Variants in TSPYL1 observed in about 807,000 individuals in gnomAD.
TSPYL1 encodes the protein testis-specific Y-encoded-like protein 1.
Under a neutral mutation model 20.1 loss-of-function variants are expected in TSPYL1, and 16 were observed. That is an observed-to-expected ratio of 0.80 (90% CI 0.54 to 1.21). TSPYL1 has a LOEUF of 1.21. Ranked by LOEUF, TSPYL1 falls within the 50% of genes most tolerant of loss-of-function variation. TSPYL1 has a pLI of 0.00. For synonymous variants in TSPYL1, 259 were observed against 227.1 expected (o/e 1.14, Z -1.26); for missense variants, 560 against 569.3 (o/e 0.98, Z 0.17).
At position 116,277,555 on chromosome 6, in the gene TSPYL1, C is replaced by CT. The variant is rs1262864726; in HGVS notation, c.*961dup. On this transcript the variant is annotated 3_prime_UTR_variant, in exon 1 of 1. Transcript: ENST00000368608. ...GGAGGGGCGTAAGAGCTCTAGCACT[C>CT]TATTTTACAGGCCAACTTCTTTGCC... is the stretch of plus-strand genomic sequence containing the variant. 2.6e-5 allele frequency: 4 copies of CT among 152,352 alleles called. No homozygotes were observed. Among genetic ancestry groups the CT allele is most frequent in the African/African-American group, 9.6e-5 (4 of 41,564 alleles). The allele number at this position is 152,352 out of a possible 1,614,324, so 9.4% of individuals were successfully genotyped here.
chr6:116,276,692 T>C lies in TSPYL1; in HGVS notation c.*1825A>G, dbSNP rs942904772. The C allele has an allele frequency of 6.6e-6, 1 of 152,236 alleles. No individual in the cohort carries two copies. The highest frequency in any genetic ancestry group is 1.5e-5 in the Non-Finnish European group (1 of 68,038). The allele number at this position is 152,236 out of a possible 1,614,324, so 9.4% of individuals were successfully genotyped here. A position where few individuals can be genotyped will look rare whatever the true frequency, so the allele number is the denominator to read the frequency against. ...TAATATGAACAACTTCATTCAAGCA[T>C]TACATTTATGGGTAAGGTGAAAAAT... On this transcript the variant is annotated 3_prime_UTR_variant, in exon 1 of 1. Transcript: ENST00000368608.
Position 116,275,918 on chromosome 6 carries a change from T to C in TSPYL1, c.*2599A>G, listed in dbSNP as rs1212419454. Reference sequence around the variant, plus strand: ...AGTGAACATGGGAAAAACATGAAAATATAATCTCTGTATTTTATTTTACTG... The same window carrying C: ...AGTGAACATGGGAAAAACATGAAAACATAATCTCTGTATTTTATTTTACTG... On this transcript the variant is annotated 3_prime_UTR_variant, in exon 1 of 1. Transcript: ENST00000368608. Among the ~76,000 whole-genome samples the C allele has an allele frequency of 6.6e-6, 1 of 151,530 alleles. No individual in the cohort carries two copies. The highest frequency in any genetic ancestry group is 2.4e-5 in the African/African-American group (1 of 41,124).
rs1773212372 is a variant in TSPYL1, at chr6:116,277,648, T to TTA, written c.*868_*869insTA. ...TACAAATGTTTCTGAGCTATCACTT[T>TTA]TTTAAGAGAGGATTGGGAGGCTAAG... On this transcript the variant is annotated 3_prime_UTR_variant, in exon 1 of 1. Transcript: ENST00000368608. 1 of 152,070 alleles carries TTA rather than the reference T, an allele frequency of 6.6e-6. No homozygotes were observed. The highest frequency in any genetic ancestry group is 2.1e-4 in the South Asian group (1 of 4,834). The allele number at this position is 152,070 out of a possible 1,614,324, so 9.4% of individuals were successfully genotyped here. A position where few individuals can be genotyped will look rare whatever the true frequency, so the allele number is the denominator to read the frequency against.
At position 116,278,744 on chromosome 6, in the gene TSPYL1, G is replaced by A; in HGVS notation, c.1087C>T (p.Pro363Ser). The A allele has an allele frequency of 6.2e-7, 1 of 1,614,102 alleles. No individual in the cohort carries two copies. The highest frequency in any genetic ancestry group is 2.2e-5 in the East Asian group (1 of 44,880). Residue 363 changes from proline (P) to serine (S), a missense_variant, in exon 1 of 1, where the codon CCC (proline) becomes TCC (serine). Pro to Ser is a moderately conservative substitution (Grantham distance 74). Transcript: ENST00000368608. ...TGGTTTCTGCGAATGAAGGACTGGG[G>A]TTCATGCCCCCTGCGCCATATAATT... ...TPIIWRRGHE[P>S]QSFIRRNQDL... is the part of the protein sequence containing the mutation.
At position 116,275,373 on chromosome 6, in the gene TSPYL1, G is replaced by T. The variant is rs1488664399; in HGVS notation, c.*3144C>A. ...ACTAAAAGGGGAAATAGTTATTTAG[G>T]AATGGCATTGCAAATCTTTTTGACA... On this transcript the variant is annotated 3_prime_UTR_variant, in exon 1 of 1. Transcript: ENST00000368608. Among the ~76,000 whole-genome samples, 1 of 152,190 alleles carries T rather than the reference G, an allele frequency of 6.6e-6. No individual in the cohort carries two copies. The highest frequency in any genetic ancestry group is 1.5e-5 in the Non-Finnish European group (1 of 68,024).
chr6:116,278,208 G>C lies in TSPYL1; in HGVS notation c.*309C>G, dbSNP rs1046446988. 3 of 364,578 alleles carry C rather than the reference G, an allele frequency of 8.2e-6. No homozygotes were observed. The highest frequency in any genetic ancestry group is 6.6e-5 in the East Asian group (1 of 15,124). The allele number at this position is 364,578 out of a possible 1,614,324, so 22.6% of individuals were successfully genotyped here. A position where few individuals can be genotyped will look rare whatever the true frequency, so the allele number is the denominator to read the frequency against. ...GTTCAGAGGCCCTGGGAATAAACAG[G>C]GTCCAAGCAGTGCAGATAAAGGCAG... On this transcript the variant is annotated 3_prime_UTR_variant, in exon 1 of 1. Coordinates refer to ENST00000368608, the MANE Select transcript of TSPYL1 (RefSeq NM_003309.4).
chr6:116,274,973 A>G lies in TSPYL1; in HGVS notation c.*3544T>C, dbSNP rs1262478897. ...AGATTTACTAGTAGCCACATTAAAC[A>G]ATGGCAAAATGAGGATAATTAATTT... On this transcript the variant is annotated 3_prime_UTR_variant, in exon 1 of 1. Coordinates refer to ENST00000368608, the MANE Select transcript of TSPYL1 (RefSeq NM_003309.4). Among the ~76,000 whole-genome samples the G allele has an allele frequency of 2.0e-5, 3 of 152,236 alleles. No individual in the cohort carries two copies. The highest frequency in any genetic ancestry group is 4.4e-5 in the Non-Finnish European group (3 of 68,034).
rs1192539503 is a variant in TSPYL1, at chr6:116,276,143, A to G, written c.*2374T>C. On this transcript the variant is annotated 3_prime_UTR_variant, in exon 1 of 1. Transcript: ENST00000368608. ...CATTTATCTCCTCTATGGGGAACAG[A>G]AAGACTTTGGCAGAGGAATTACCAA... Among the ~76,000 whole-genome samples the G allele has an allele frequency of 6.6e-6, 1 of 152,230 alleles. No homozygotes were observed. Among genetic ancestry groups the G allele is most frequent in the Non-Finnish European group, 1.5e-5 (1 of 68,036 alleles).
At position 116,278,416 on chromosome 6, in the gene TSPYL1, AACAAAGCACAATAGAAGGCAT is replaced by A. The variant is rs1773267536; in HGVS notation, c.*80_*100del. 6.5e-7 allele frequency: 1 copy of A among 1,539,108 alleles called. No individual in the cohort carries two copies. Reference sequence around the variant, plus strand: ...AACAGGGTGCAGAAAAGTCAGCAAAAACAAAGCACAATAGAAGGCATACTCATTGCTGATGCCCAAGCACAG... The same window carrying A: ...AACAGGGTGCAGAAAAGTCAGCAAAAACTCATTGCTGATGCCCAAGCACAG... On this transcript the variant is annotated 3_prime_UTR_variant, in exon 1 of 1. Coordinates refer to ENST00000368608, the MANE Select transcript of TSPYL1 (RefSeq NM_003309.4).
rs1002487042 is a variant in TSPYL1 at position 116,278,457 on chromosome 6, G to C, written c.*60C>G. 2 of 1,609,700 alleles carry C rather than the reference G, an allele frequency of 1.2e-6. No homozygotes were observed. Among genetic ancestry groups the C allele is most frequent in the Non-Finnish European group, 1.7e-6 (2 of 1,177,556 alleles). On this transcript the variant is annotated 3_prime_UTR_variant, in exon 1 of 1. Transcript: ENST00000368608. ...AGGCATACTCATTGCTGATGCCCAA[G>C]CACAGGTCCAGCAGAAGGTGGTAGG... is the stretch of plus-strand genomic sequence containing the variant.
chr6:116,274,970 A>T lies in TSPYL1; in HGVS notation c.*3547T>A, dbSNP rs563569163. Among the ~76,000 whole-genome samples the T allele has an allele frequency of 1.3e-5, 2 of 152,374 alleles. No individual in the cohort carries two copies. The highest frequency in any genetic ancestry group is 3.9e-4 in the East Asian group (2 of 5,192). On this transcript the variant is annotated 3_prime_UTR_variant, in exon 1 of 1. Transcript: ENST00000368608. ...TTTAGATTTACTAGTAGCCACATTAAACAATGGCAAAATGAGGATAATTAA... is the reference window on the plus strand; with the variant it reads ...TTTAGATTTACTAGTAGCCACATTATACAATGGCAAAATGAGGATAATTAA...
Position 116,278,496 on chromosome 6 carries a change from G to A in TSPYL1, c.*21C>T, listed in dbSNP as rs112613011. The A allele has an allele frequency of 4.1e-5, 66 of 1,613,522 alleles. 2 individuals carry two copies. The South Asian group carries it at 6.9e-4, about 17-fold the overall frequency. Reference sequence around the variant, plus strand: ...GAAGGTGGTAGGAGACCTTGTGCAGGAGTATTCCCAAGGGCAAATGTTAAC... The same window carrying A: ...GAAGGTGGTAGGAGACCTTGTGCAGAAGTATTCCCAAGGGCAAATGTTAAC... On this transcript the variant is annotated 3_prime_UTR_variant, in exon 1 of 1. Coordinates refer to ENST00000368608, the MANE Select transcript of TSPYL1 (RefSeq NM_003309.4).
chr6:116,278,453 C>T lies in TSPYL1; in HGVS notation c.*64G>A. Reference sequence around the variant, plus strand: ...TAGAAGGCATACTCATTGCTGATGCCCAAGCACAGGTCCAGCAGAAGGTGG... The same window carrying T: ...TAGAAGGCATACTCATTGCTGATGCTCAAGCACAGGTCCAGCAGAAGGTGG... On this transcript the variant is annotated 3_prime_UTR_variant, in exon 1 of 1. Coordinates refer to ENST00000368608, the MANE Select transcript of TSPYL1 (RefSeq NM_003309.4). 2.5e-6 allele frequency: 4 copies of T among 1,608,976 alleles called. No individual in the cohort carries two copies. The highest frequency in any genetic ancestry group is 2.2e-5 in the East Asian group (1 of 44,840).
chr6:116,278,757 G>T lies in TSPYL1; in HGVS notation c.1074C>A (p.Arg358=), dbSNP rs758865548. ...VVSLSTPIIW[R]RGHEPQSFIR... Reference sequence around the variant, plus strand: ...TGAAGGACTGGGGTTCATGCCCCCTGCGCCATATAATTGGAGTAGAAAGAG... The same window carrying T: ...TGAAGGACTGGGGTTCATGCCCCCTTCGCCATATAATTGGAGTAGAAAGAG... The change falls in exon 1 of 1, where the codon CGC becomes CGA. Residue 358 remains arginine, a synonymous_variant. Coordinates refer to ENST00000368608, the MANE Select transcript of TSPYL1 (RefSeq NM_003309.4). 1.9e-6 allele frequency: 3 copies of T among 1,614,160 alleles called. No homozygotes were observed. The highest frequency in any genetic ancestry group is 2.5e-6 in the Non-Finnish European group (3 of 1,180,026).
rs944811841 is a variant in TSPYL1 at position 116,276,403 on chromosome 6, G to A, written c.*2114C>T. On this transcript the variant is annotated 3_prime_UTR_variant, in exon 1 of 1. Coordinates refer to ENST00000368608, the MANE Select transcript of TSPYL1 (RefSeq NM_003309.4). ...GAGGTTGTGCTGCATAAACTACATG[G>A]AAAAAAGTGATTGAGTAAGCAGTTG... Among the ~76,000 whole-genome samples the A allele has an allele frequency of 6.6e-6, 1 of 152,122 alleles. No individual in the cohort carries two copies. Among genetic ancestry groups the A allele is most frequent in the Non-Finnish European group, 1.5e-5 (1 of 68,010 alleles).
At position 116,278,146 on chromosome 6, in the gene TSPYL1, A is replaced by C. The variant is rs1773254961; in HGVS notation, c.*371T>G. The C allele has an allele frequency of 3.2e-6, 1 of 310,532 alleles. No homozygotes were observed. Among genetic ancestry groups the C allele is most frequent in the African/African-American group, 2.2e-5 (1 of 46,356 alleles). 19.2% of individuals were successfully genotyped at this position (310,532 alleles called of 1,614,324 possible). ...CAATGCAGAGCTGAGTAGGTGGAAC[A>C]GGCTCCCAAAGCTAGAAATCCAAGT... On this transcript the variant is annotated 3_prime_UTR_variant, in exon 1 of 1. Coordinates refer to ENST00000368608, the MANE Select transcript of TSPYL1 (RefSeq NM_003309.4).
In TSPYL1 at chr6:116,279,158, C is replaced by A. The variant is rs1773319494; in HGVS notation, c.673G>T (p.Glu225Ter). Residue 225 changes from glutamate to a stop codon, truncating the protein, a stop_gained, in exon 1 of 1, where the codon GAG (glutamate) becomes TAG (stop). Transcript: ENST00000368608. LOFTEE classifies it high-confidence loss of function. ...REEEGPWPLHEALRMDPLEAI... is the reference protein window; with the variant it reads ...REEEGPWPLH ...TCCAGAGGGTCCATGCGGAGAGCCTCATGCAAAGGCCAGGGCCCTTCTTCC... is the reference window on the plus strand; with the variant it reads ...TCCAGAGGGTCCATGCGGAGAGCCTAATGCAAAGGCCAGGGCCCTTCTTCC... 1 of 1,613,852 alleles carries A rather than the reference C, an allele frequency of 6.2e-7. No individual in the cohort carries two copies. The highest frequency in any genetic ancestry group is 8.5e-7 in the Non-Finnish European group (1 of 1,180,002).
At position 116,277,719 on chromosome 6, in the gene TSPYL1, T is replaced by G. The variant is rs550737675; in HGVS notation, c.*798A>C. ...GGGTTCGAGACCAGCCTGGCCAGCA[T>G]GGTGAAACCCCGTCTCTACTAAAAA... On this transcript the variant is annotated 3_prime_UTR_variant, in exon 1 of 1. Coordinates refer to ENST00000368608, the MANE Select transcript of TSPYL1 (RefSeq NM_003309.4). The G allele has an allele frequency of 6.6e-6, 1 of 152,018 alleles. No homozygotes were observed. Among genetic ancestry groups the G allele is most frequent in the Non-Finnish European group, 1.5e-5 (1 of 68,010 alleles). 9.4% of individuals were successfully genotyped at this position (152,018 alleles called of 1,614,324 possible). A position where few individuals can be genotyped will look rare whatever the true frequency, so the allele number is the denominator to read the frequency against.
rs2114626068 is a variant in TSPYL1 at position 116,276,501 on chromosome 6, G to A, written c.*2016C>T. ...ACCGTGCCCTGCTTTCTTCTCTTTG[G>A]GATAATGTCTATTGTGTCCATTTAA... On this transcript the variant is annotated 3_prime_UTR_variant, in exon 1 of 1. Coordinates refer to ENST00000368608, the MANE Select transcript of TSPYL1 (RefSeq NM_003309.4). The A allele has an allele frequency of 6.6e-6, 1 of 152,140 alleles. No individual in the cohort carries two copies. The highest frequency in any genetic ancestry group is 1.9e-4 in the East Asian group (1 of 5,182). 9.4% of individuals were successfully genotyped at this position (152,140 alleles called of 1,614,324 possible). A position where few individuals can be genotyped will look rare whatever the true frequency, so the allele number is the denominator to read the frequency against.
Sources: allele counts gnomAD v4.1 joint callset (sites outside exome capture counted in the v4.1 genomes callset), GRCh38; gene constraint gnomAD v4.1.1; transcripts MANE v1.5; gene names NCBI Gene and HGNC (gene_info 2026-07-23, HGNC 2026-07-21).